MRPL27: variants seen among roughly 807,000 people sequenced by gnomAD.
MRPL27 encodes large ribosomal subunit protein bL27m.
In MRPL27, 4 loss-of-function variants were observed where a neutral mutation model predicts 14.6. The ratio of observed to expected loss-of-function variants is 0.27; its 90% CI spans 0.14 to 0.63. MRPL27 has a LOEUF of 0.63. Ranked by LOEUF, MRPL27 falls within the 20% of genes least tolerant of loss-of-function variation. The pLI is 0.85. For missense variants in MRPL27, 196 were observed against 192.8 expected (o/e 1.02, Z -0.10); for synonymous variants, 82 against 75.5 (o/e 1.09, Z -0.45).
At chr17:50,370,395 C>G in intron 2 of MRPL27, 60 bp downstream of exon 2, 1 of 1,611,578 alleles carries the variant, frequency 6.2e-7, no homozygotes, top group African/African-American at 1.3e-5. Flanking sequence ...TTCTTCTGCT[C>G]TCCTAAGGAA....
chr17:50,371,637 G>A (rs1391326076), intron 1 of MRPL27, among the ~76,000 whole-genome samples: 1 of 152,140 alleles, frequency 6.6e-6, no homozygotes, highest in African/African-American at 2.4e-5. Context: ...GTGGGTCTCT[G>A]GAGCCTATAA....
chr17:50,373,150 C>T lies in MRPL27; in HGVS notation c.21G>A (p.Ala7=). 1.2e-6 allele frequency: 2 copies of T among 1,613,712 alleles called. No homozygotes were observed. The highest frequency in any genetic ancestry group is 1.7e-6 in the Non-Finnish European group (2 of 1,179,768). ...CATTACCGGCTGTCCGGGTCCTCAG[C>T]GCCAACACCACCGACGCCATGCTTT... MASVVL[A]LRTRTAVTSL... is the part of the protein sequence containing the mutation. Residue 7 remains alanine, a synonymous_variant, in exon 1 of 4, where the codon GCG becomes GCA. Coordinates refer to ENST00000225969, the MANE Select transcript of MRPL27 (RefSeq NM_016504.3).
rs143481988 is a variant in MRPL27 at position 50,370,233 on chromosome 17, C to T, written c.173-134G>A. ...CTCCCAGACAGTCCAACACAAGCAG[C>T]GCAGGATCTGCCACCCAGCAGCTCT... On this transcript the variant is annotated intron_variant, in intron 2 of 3. Transcript: ENST00000225969. 5,432 of 1,152,320 alleles carry T rather than the reference C, an allele frequency of 4.7e-3. 27 individuals carry two copies. The highest frequency in any genetic ancestry group is 0.023 in the Middle Eastern group (76 of 3,376). The allele number at this position is 1,152,320 out of a possible 1,614,324, so 71.4% of individuals were successfully genotyped here.
Position 50,367,978 on chromosome 17 carries a change from A to G in MRPL27, c.*114T>C. 8.6e-7 allele frequency: 1 copy of G among 1,165,444 alleles called. No individual in the cohort carries two copies. Among genetic ancestry groups the G allele is most frequent in the Non-Finnish European group, 1.2e-6 (1 of 811,872 alleles). The allele number at this position is 1,165,444 out of a possible 1,614,324, so 72.2% of individuals were successfully genotyped here. On this transcript the variant is annotated 3_prime_UTR_variant, in exon 4 of 4. Coordinates refer to ENST00000225969, the MANE Select transcript of MRPL27 (RefSeq NM_016504.3). ...CTTCAGAGTCTCCTGCAGAGTCACC[A>G]TCAAGCAGACCTCTTCCTCGGGAGG... is the stretch of plus-strand genomic sequence containing the variant.
chr17:50,372,961 C>G, intron 1 of MRPL27, 170 bp downstream of exon 1: 1 of 895,860 alleles, frequency 1.1e-6, no homozygotes. Flanking sequence ...CGGCTCCACC[C>G]AGGATGTGTC....
intron 1 of MRPL27, 143 bp downstream of exon 1, chr17:50,372,988 C>T (rs1038404445): frequency 1.3e-5 from 15 of 1,162,736 alleles, no homozygotes; most frequent in Admixed American, 6.5e-5. Context: ...CCAGCGACAC[C>T]GTCCCTCAAA....
At chr17:50,373,090 C>A in intron 1 of MRPL27, 41 bp downstream of exon 1, 1 of 1,613,186 alleles carries the variant, frequency 6.2e-7, no homozygotes. Flanking sequence ...CTCCACTCTG[C>A]CTCCCCGCCT....
chr17:50,373,052 G>A (rs1035053567), intron 1 of MRPL27, 79 bp downstream of exon 1: 23 of 1,593,906 alleles, frequency 1.4e-5, no homozygotes, highest in Admixed American at 3.4e-5. Context: ...GCGGGGATCA[G>A]TGTCACCTCC....
At position 50,368,153 on chromosome 17, in the gene MRPL27, G is replaced by C. The variant is rs1598356581; in HGVS notation, c.386C>G (p.Thr129Ser). The C allele has an allele frequency of 1.2e-6, 2 of 1,614,232 alleles. No homozygotes were observed. The highest frequency in any genetic ancestry group is 2.2e-5 in the East Asian group (1 of 44,892). ...CTTGGCAGGAACCACGTGGACAAAA[G>C]TCTTGTAGAGCACAGCACCCTTGGG... ...RLPKGAVLYK[T>S]FVHVVPAKPE... is the part of the protein sequence containing the mutation. Residue 129 changes from threonine to serine, a missense_variant, in exon 4 of 4, where the codon ACT becomes AGT. Physicochemically the swap from Thr to Ser is moderately conservative, Grantham distance 58. Transcript: ENST00000225969.
chr17:50,372,398 A>C (rs1567812995), intron 1 of MRPL27, among the ~76,000 whole-genome samples: 1 of 152,116 alleles, frequency 6.6e-6, no homozygotes, highest in Non-Finnish European at 1.5e-5. Context: ...GGCAAGCGCC[A>C]CTACACCCAG....
intron 1 of MRPL27, 102 bp from the exon 2 acceptor site, chr17:50,370,688 A>T: frequency 1.3e-6 from 2 of 1,509,052 alleles, no homozygotes; most frequent in Non-Finnish European, 9.1e-7. Flanking sequence ...GAGATGAGAA[A>T]GCTGTGTCAG....
Position 50,370,092 on chromosome 17 carries a change from A to G in MRPL27, c.180T>C (p.Tyr60=), listed in dbSNP as rs146817391. 1.6e-5 allele frequency: 25 copies of G among 1,611,870 alleles called. No individual in the cohort carries two copies. In the East Asian group the frequency reaches 4.5e-4, roughly 29 times the overall value. Residue 60 remains tyrosine, a synonymous_variant, in exon 3 of 4, where the codon TAT becomes TAC. Transcript: ENST00000225969. ...RQGIKKMEGH[Y]VHAGNIIATQ... ...TTGCAATGATGTTCCCAGCATGAACATAGTGACCTAGAAGAGAAGTCCACA... is the reference window on the plus strand; with the variant it reads ...TTGCAATGATGTTCCCAGCATGAACGTAGTGACCTAGAAGAGAAGTCCACA...
intron 3 of MRPL27, chr17:50,369,026 A>T (rs1228318211): frequency 1.7e-6 from 1 of 605,772 alleles, no homozygotes; most frequent in Non-Finnish European, 2.9e-6. Flanking sequence ...TGATTAAAAG[A>T]ATGGGCTCTG....
intron 1 of MRPL27, 89 bp downstream of exon 1, chr17:50,373,042 G>T: frequency 1.9e-6 from 3 of 1,572,742 alleles, no homozygotes; most frequent in Non-Finnish European, 1.7e-6. Flanking sequence ...AAGGTCCTCC[G>T]CGGGGATCAG....
In MRPL27 at chr17:50,368,127, G is replaced by A. The variant is rs1333589366; in HGVS notation, c.412C>T (p.Pro138Ser). 7.4e-6 allele frequency: 12 copies of A among 1,614,092 alleles called. No individual in the cohort carries two copies. In the South Asian group the frequency reaches 7.7e-5, roughly 10 times the overall value. ...KTFVHVVPAK[P>S]EGTFKLVAML ...GCTACCAGTTTGAAGGTGCCCTCAGGCTTGGCAGGAACCACGTGGACAAAA... is the reference window on the plus strand; with the variant it reads ...GCTACCAGTTTGAAGGTGCCCTCAGACTTGGCAGGAACCACGTGGACAAAA... Residue 138 changes from proline (P) to serine (S), a missense_variant, in exon 4 of 4, where the codon CCT becomes TCT. Physicochemically the swap from Pro to Ser is moderately conservative, Grantham distance 74. Transcript: ENST00000225969.
At chr17:50,371,461 C>G (rs1208602188) in intron 1 of MRPL27, among the ~76,000 whole-genome samples, 2 of 152,210 alleles carry the variant, frequency 1.3e-5, no homozygotes, top group Non-Finnish European at 2.9e-5. Flanking sequence ...CATACTCATT[C>G]CAAAGTGCTC....
chr17:50,368,633 A>C (rs17776841), intron 3 of MRPL27: 9,795 of 593,200 alleles, frequency 0.017, 155 homozygotes, highest in Middle Eastern at 0.043. Context: ...CTTCACTTAG[A>C]CTTAAACAAC....
intron 1 of MRPL27, 24 bp downstream of exon 1, chr17:50,373,107 G>A (rs938699833): frequency 9.9e-6 from 16 of 1,613,680 alleles, no homozygotes; most frequent in African/African-American, 5.3e-5. Flanking sequence ...GCCTCACCCC[G>A]CTCTGACTAC....
intron 1 of MRPL27, chr17:50,370,996 CT>C (rs368266454): frequency 0.011 from 1,635 of 153,376 alleles, no homozygotes; most frequent in South Asian, 0.038. Context: ...GACTTTCTTT[CT>C]TTTTTTTTTT....
Sources: allele counts gnomAD v4.1 joint callset (sites outside exome capture counted in the v4.1 genomes callset), GRCh38; gene constraint gnomAD v4.1.1; transcripts MANE v1.5; gene names NCBI Gene and HGNC (gene_info 2026-07-23, HGNC 2026-07-21).